SMCHD1: variants seen among roughly 807,000 people sequenced by gnomAD.
SMCHD1 encodes structural maintenance of chromosomes flexible hinge domain-containing protein 1.
In SMCHD1, 78 loss-of-function variants were observed where a neutral mutation model predicts 254.7. That is an observed-to-expected ratio of 0.31 (90% CI 0.26 to 0.37). SMCHD1 has a LOEUF of 0.37. Ranked by LOEUF, SMCHD1 falls within the 10% of genes least tolerant of loss-of-function variation. SMCHD1 has a pLI of 1.00. For synonymous variants in SMCHD1, 766 were observed against 794.9 expected, an observed-to-expected ratio of 0.96 and a Z score of 0.61; for missense variants, 1,840 against 2,408.1, an observed-to-expected ratio of 0.76 and a Z score of 4.94.
rs1312844288 is a variant in SMCHD1, at chr18:2,666,168, T to C, written c.198T>C (p.Ile66=). 2.0e-6 allele frequency: 3 copies of C among 1,524,206 alleles called. No homozygotes were observed. The highest frequency in any genetic ancestry group is 2.7e-6 in the Non-Finnish European group (3 of 1,104,664). The allele number at this position is 1,524,206 out of a possible 1,614,324, so 94.4% of individuals were successfully genotyped here. ...CTTATTTTGGATAGACACTTGGCAT[T>C]TCACCTGAAGAAAAATTTGTTATTA... ...FRACVCQTLG[I]SPEEKFVITT... The change falls in exon 2 of 48, where the codon ATT becomes ATC. Residue 66 remains isoleucine (I), a synonymous_variant. Transcript: ENST00000320876.
Position 2,697,186 on chromosome 18 carries a change from C to T in SMCHD1, c.1131+64C>T, listed in dbSNP as rs190485812. 1,305 of 782,844 alleles carry T rather than the reference C, an allele frequency of 1.7e-3. 3 individuals are homozygous for T. The highest frequency in any genetic ancestry group is 1.9e-3 in the Non-Finnish European group (970 of 511,262). 48.5% of individuals were successfully genotyped at this position (782,844 alleles called of 1,614,324 possible). On this transcript the variant is annotated intron_variant, in intron 9 of 47. Coordinates refer to ENST00000320876, the MANE Select transcript of SMCHD1 (RefSeq NM_015295.3). ...AGATATTTGTTCCAGTTCCAAATGA[C>T]TCAGGATAATAAAAAACACTTGATA...
At chr18:2,662,205 AAAGAAAGAAAG>A (rs2073301135) in intron 1 of SMCHD1, among the ~76,000 whole-genome samples, 1 of 34,814 alleles carries the variant, frequency 2.9e-5, no homozygotes, top group African/African-American at 1.7e-4. Flanking sequence ...ATAAATAAAG[AAAGAAAGAAAG>A]AAAGAAAGAA....
intron 1 of SMCHD1, among the ~76,000 whole-genome samples, chr18:2,665,006 ACTAGT>A (rs1033557462): frequency 1.1e-4 from 16 of 152,344 alleles, no homozygotes; most frequent in African/African-American, 3.8e-4. Context: ...TTTGAGTATC[ACTAGT>A]CTAGATTTTT....
intron 26 of SMCHD1, 124 bp from the exon 27 acceptor site, chr18:2,739,308 G>C: frequency 1.5e-6 from 1 of 685,218 alleles, no homozygotes; most frequent in South Asian, 1.8e-5. Context: ...ACAGTTATTT[G>C]AAGGAGTGTT....
intron 7 of SMCHD1, 45 bp from the exon 8 acceptor site, chr18:2,694,482 T>C (rs761470267): frequency 5.7e-5 from 80 of 1,391,828 alleles, no homozygotes. Flanking sequence ...TGTATAATTA[T>C]AATTTAGATG....
intron 35 of SMCHD1, among the ~76,000 whole-genome samples, chr18:2,761,564 C>G (rs1470095223): frequency 6.6e-6 from 1 of 152,140 alleles, no homozygotes; most frequent in African/African-American, 2.4e-5. Context: ...CGCCTGTAAT[C>G]CCAGCAGTTT....
Position 2,694,743 on chromosome 18 carries a change from G to A in SMCHD1, c.1040+50G>A, listed in dbSNP as rs1464367710. 4 of 1,501,094 alleles carry A rather than the reference G, an allele frequency of 2.7e-6. No individual in the cohort carries two copies. In the East Asian group the frequency reaches 9.0e-5, roughly 34 times the overall value. The allele number at this position is 1,501,094 out of a possible 1,614,324, so 93.0% of individuals were successfully genotyped here. A position where few individuals can be genotyped will look rare whatever the true frequency, so the allele number is the denominator to read the frequency against. On this transcript the variant is annotated intron_variant, in intron 8 of 47. Coordinates refer to ENST00000320876, the MANE Select transcript of SMCHD1 (RefSeq NM_015295.3). ...AAATGTTGCTACTTAACTTTTTTAA[G>A]GCAGAAAACATTACAGATATATTGA...
chr18:2,782,174 T>G (rs1438354058), intron 44 of SMCHD1, among the ~76,000 whole-genome samples: 1 of 152,238 alleles, frequency 6.6e-6, no homozygotes, highest in Non-Finnish European at 1.5e-5. Context: ...ATGACATTCC[T>G]TGGTAACACT....
rs572262052 is a variant in SMCHD1, at chr18:2,721,558, G to GA, written c.2459-952dup. 5.8e-4 allele frequency among the ~76,000 whole-genome samples: 88 copies of GA among 151,058 alleles called. 1 individual carries two copies. The East Asian group carries it at 0.016, about 27-fold the overall frequency. On this transcript the variant is annotated intron_variant, in intron 19 of 47. Coordinates refer to ENST00000320876, the MANE Select transcript of SMCHD1 (RefSeq NM_015295.3). The stretch of plus-strand genomic sequence containing the variant: ...ATTAGAAACCGTAGTGCTTTTTGGG[G>GA]AAAAAAAAATTATGCTGCTTTCTGT...
chr18:2,656,638 A>T (rs2073068616), intron 1 of SMCHD1, among the ~76,000 whole-genome samples: 1 of 152,200 alleles, frequency 6.6e-6, no homozygotes, highest in Admixed American at 6.5e-5. Context: ...AACTTTTTTA[A>T]AACGAGAGAA....
chr18:2,688,147 AT>A (rs2074094345), intron 5 of SMCHD1, among the ~76,000 whole-genome samples: 1 of 152,198 alleles, frequency 6.6e-6, no homozygotes. Context: ...AGATTTTCTG[AT>A]TTAGTAGGAT....
intron 10 of SMCHD1, 96 bp downstream of exon 10, chr18:2,698,137 T>A: frequency 1.2e-6 from 1 of 856,502 alleles, no homozygotes; most frequent in Non-Finnish European, 1.7e-6. Flanking sequence ...TTATTCAGGT[T>A]AGATAAATAT....
At chr18:2,728,031 C>A (rs2075059456) in intron 22 of SMCHD1, among the ~76,000 whole-genome samples, 1 of 152,084 alleles carries the variant, frequency 6.6e-6, no homozygotes, top group Non-Finnish European at 1.5e-5. Context: ...ATGACCTGAT[C>A]ATGTCATTAC....
At chr18:2,748,309 G>A (rs1279946486) in intron 30 of SMCHD1, among the ~76,000 whole-genome samples, 1 of 150,480 alleles carries the variant, frequency 6.6e-6, no homozygotes, top group African/African-American at 2.5e-5. Flanking sequence ...CTCCTTCTAG[G>A]GGAAAGAGGA....
chr18:2,688,597 T>C, intron 6 of SMCHD1, 31 bp from the exon 7 acceptor site: 1 of 1,569,530 alleles, frequency 6.4e-7, no homozygotes, highest in South Asian at 1.1e-5. Context: ...TTATTAGGAA[T>C]TTAAAAAGTA....
At chr18:2,676,498 A>G (rs1298594490) in intron 5 of SMCHD1, among the ~76,000 whole-genome samples, 2 of 152,166 alleles carry the variant, frequency 1.3e-5, no homozygotes, top group African/African-American at 4.8e-5. Context: ...CAAAGACTGA[A>G]ATTGTGACAG....
chr18:2,658,849 TGTATATATAC>T, intron 1 of SMCHD1, among the ~76,000 whole-genome samples: 1 of 151,138 alleles, frequency 6.6e-6, no homozygotes, highest in Non-Finnish European at 1.5e-5. Flanking sequence ...TATATGTATA[TGTATATATAC>T]ATATATATAC....
At position 2,775,719 on chromosome 18, in the gene SMCHD1, G is replaced by A; in HGVS notation, c.5176-15G>A. The A allele has an allele frequency of 6.5e-7, 1 of 1,545,832 alleles. No individual in the cohort carries two copies. The highest frequency in any genetic ancestry group is 1.2e-5 in the South Asian group (1 of 83,534). ...TGGATTTTATATTTTTTTACTTTAT[G>A]AAAATGGGTTATAGATTGCACATCT... On this transcript the variant is annotated splice_polypyrimidine_tract_variant and intron_variant, in intron 41 of 47. Transcript: ENST00000320876.
rs2073042648 is a variant in SMCHD1, at chr18:2,656,024, G to C, written c.-52G>C. 2.3e-6 allele frequency: 3 copies of C among 1,299,688 alleles called. No homozygotes were observed. Among genetic ancestry groups the C allele is most frequent in the South Asian group, 4.6e-5 (2 of 43,392 alleles). The allele number at this position is 1,299,688 out of a possible 1,614,324, so 80.5% of individuals were successfully genotyped here. On this transcript the variant is annotated 5_prime_UTR_variant, in exon 1 of 48. Transcript: ENST00000320876. ...GGCGCCGCGCGGAGCGCGCACCTCA[G>C]CCCTGAGCCCGGCGGCGGCAGGCGT...
Sources: allele counts gnomAD v4.1 joint callset (sites outside exome capture counted in the v4.1 genomes callset), GRCh38; gene constraint gnomAD v4.1.1; transcripts MANE v1.5; gene names NCBI Gene and HGNC (gene_info 2026-07-23, HGNC 2026-07-21).